Variants in STXBP5L observed in about 807,000 individuals in gnomAD.
STXBP5L encodes syntaxin binding protein 5L.
In STXBP5L, 65 loss-of-function variants were observed where a neutral mutation model predicts 144.5. The ratio of observed to expected loss-of-function variants is 0.45; its 90% CI spans 0.37 to 0.55. The LOEUF (loss-of-function observed/expected upper bound fraction) is 0.55, where lower values mean the gene tolerates loss of function less well. Among genes scored for constraint, STXBP5L ranks in the 20% least tolerant of loss-of-function variants. The pLI is 0.00. For synonymous variants in STXBP5L, 505 were observed against 469.6 expected, an observed-to-expected ratio of 1.08 and a Z score of -0.97; for missense variants, 1,298 against 1,405.5, an observed-to-expected ratio of 0.92 and a Z score of 1.22.
chr3:121,144,826 T>C (rs1401323145), intron 7 of STXBP5L, among the ~76,000 whole-genome samples: 1 of 151,880 alleles, frequency 6.6e-6, no homozygotes, highest in African/African-American at 2.4e-5. Flanking sequence ...TTTTCAGCCT[T>C]AATAAATAAG....
At chr3:121,280,025 G>A (rs2051006917) in intron 19 of STXBP5L, 69 bp downstream of exon 19, 1 of 1,536,386 alleles carries the variant, frequency 6.5e-7, no homozygotes, top group Admixed American at 2.1e-5. Flanking sequence ...TAGATTTCTT[G>A]TCTTTCTTCT....
chr3:121,205,919 T>C lies in STXBP5L; in HGVS notation c.878-4T>C, dbSNP rs776664676. 1.4e-6 allele frequency: 2 copies of C among 1,446,196 alleles called. No individual in the cohort carries two copies. The highest frequency in any genetic ancestry group is 1.9e-6 in the Non-Finnish European group (2 of 1,078,642). The allele number at this position is 1,446,196 out of a possible 1,614,324, so 89.6% of individuals were successfully genotyped here. On this transcript the variant is annotated splice_polypyrimidine_tract_variant and splice_region_variant and intron_variant, in intron 9 of 26. Coordinates refer to ENST00000471454, the MANE Select transcript of STXBP5L (RefSeq NM_001308330.2). The stretch of plus-strand genomic sequence containing the variant: ...AGATTCAATTAAATATTTTTTTTCT[T>C]TAGGAAAAAGTCAAAGAGAAGGAAG...
intron 2 of STXBP5L, among the ~76,000 whole-genome samples, chr3:120,954,568 C>T (rs1937813782): frequency 6.6e-6 from 1 of 151,862 alleles, no homozygotes; most frequent in East Asian, 1.9e-4. Context: ...TTGTTGGACA[C>T]CTGGGCTGTT....
intron 9 of STXBP5L, among the ~76,000 whole-genome samples, chr3:121,174,699 C>T (rs1231952840): frequency 6.6e-6 from 1 of 152,164 alleles, no homozygotes; most frequent in Non-Finnish European, 1.5e-5. Flanking sequence ...GGGCTACAGA[C>T]ATAAGGTCTT....
At chr3:121,350,837 T>C (rs1481625094) in intron 20 of STXBP5L, among the ~76,000 whole-genome samples, 1 of 152,134 alleles carries the variant, frequency 6.6e-6, no homozygotes, top group African/African-American at 2.4e-5. Context: ...TTCTCTCCAT[T>C]GGTTATTCTA....
Position 121,392,807 on chromosome 3 carries a change from A to C in STXBP5L, c.2587+11275A>C, listed in dbSNP as rs976130379. On this transcript the variant is annotated intron_variant, in intron 22 of 26. Coordinates refer to ENST00000471454, the MANE Select transcript of STXBP5L (RefSeq NM_001308330.2). ...TATATATATATATATATATATATAT[A>C]TCACATTTTTAATCCAATTGCCCAT... 2.1e-3 allele frequency among the ~76,000 whole-genome samples: 253 copies of C among 121,616 alleles called. 1 individual carries two copies. The highest frequency in any genetic ancestry group is 6.5e-3 in the African/African-American group (214 of 33,022). The allele number at this position is 121,616 out of a possible 152,430, so 79.8% of individuals were successfully genotyped here. A position where few individuals can be genotyped will look rare whatever the true frequency, so the allele number is the denominator to read the frequency against.
chr3:121,089,267 A>G (rs1395202516), intron 5 of STXBP5L, among the ~76,000 whole-genome samples: 1 of 151,730 alleles, frequency 6.6e-6, no homozygotes, highest in Non-Finnish European at 1.5e-5. Flanking sequence ...AAACTCCATA[A>G]AGCAATTTTT....
intron 18 of STXBP5L, among the ~76,000 whole-genome samples, chr3:121,277,443 T>C (rs929388386): frequency 3.3e-5 from 5 of 152,106 alleles, no homozygotes; most frequent in Non-Finnish European, 7.4e-5. Context: ...GTGCAGATAA[T>C]GTTTAAATTT....
chr3:121,375,922 AT>A (rs2046170245), intron 20 of STXBP5L, among the ~76,000 whole-genome samples: 1 of 152,190 alleles, frequency 6.6e-6, no homozygotes, highest in African/African-American at 2.4e-5. Context: ...CTACGAGATG[AT>A]GTTTCAAATA....
In STXBP5L at chr3:120,911,631, C is replaced by T. The variant is rs75474684; in HGVS notation, c.189+1864C>T. Among the ~76,000 whole-genome samples the T allele has an allele frequency of 1.6e-3, 236 of 152,050 alleles. 1 individual carries two copies. In the East Asian group the frequency reaches 0.029, roughly 19 times the overall value. The stretch of plus-strand genomic sequence containing the variant: ...ATTATTGTTAAAGTTTGTAAAATCA[C>T]GTGTTCATAGTAGAGCGAATATAAC... On this transcript the variant is annotated intron_variant, in intron 2 of 26. Transcript: ENST00000471454.
At chr3:121,077,846 C>A (rs969894067) in intron 5 of STXBP5L, among the ~76,000 whole-genome samples, 5 of 151,938 alleles carry the variant, frequency 3.3e-5, no homozygotes, top group African/African-American at 1.2e-4. Context: ...ATTCACAAAC[C>A]CTGAGCTAGA....
At chr3:120,950,763 C>G (rs941079662) in intron 2 of STXBP5L, among the ~76,000 whole-genome samples, 2 of 152,134 alleles carry the variant, frequency 1.3e-5, no homozygotes, top group Non-Finnish European at 2.9e-5. Flanking sequence ...CCATCCCCAT[C>G]AAGCTACCAA....
intron 22 of STXBP5L, among the ~76,000 whole-genome samples, chr3:121,395,030 G>A (rs1349214657): frequency 6.6e-6 from 1 of 151,706 alleles, no homozygotes; most frequent in East Asian, 1.9e-4. Flanking sequence ...CCAGAATAGG[G>A]CCCCTTCTTA....
chr3:121,297,772 A>G (rs2051719557), intron 19 of STXBP5L, among the ~76,000 whole-genome samples: 1 of 152,206 alleles, frequency 6.6e-6, no homozygotes, highest in African/African-American at 2.4e-5. Context: ...AAAAGAATAT[A>G]TAGGAAAAGA....
chr3:121,195,835 CTG>C (rs1404426438), intron 9 of STXBP5L, among the ~76,000 whole-genome samples: 3 of 152,150 alleles, frequency 2.0e-5, no homozygotes, highest in African/African-American at 7.2e-5. Context: ...GAGAAGGAGA[CTG>C]GGCACACAGT....
chr3:121,050,021 G>T (rs1178123849), intron 5 of STXBP5L, among the ~76,000 whole-genome samples: 1 of 152,150 alleles, frequency 6.6e-6, no homozygotes, highest in Non-Finnish European at 1.5e-5. Context: ...CCTGTGATGT[G>T]AGGACTCCTC....
intron 3 of STXBP5L, among the ~76,000 whole-genome samples, chr3:121,009,652 A>G (rs1393465991): frequency 6.6e-6 from 1 of 151,984 alleles, no homozygotes; most frequent in Non-Finnish European, 1.5e-5. Context: ...GGAAGCAATA[A>G]TGGTGCAATT....
intron 5 of STXBP5L, among the ~76,000 whole-genome samples, chr3:121,051,471 T>C (rs1947988424): frequency 6.6e-6 from 1 of 152,184 alleles, no homozygotes; most frequent in African/African-American, 2.4e-5. Flanking sequence ...CTGAACAACC[T>C]GCTCCTGAAT....
At chr3:121,055,276 T>C (rs1948373266) in intron 5 of STXBP5L, among the ~76,000 whole-genome samples, 1 of 152,138 alleles carries the variant, frequency 6.6e-6, no homozygotes, top group Non-Finnish European at 1.5e-5. Flanking sequence ...TATAGGAGAA[T>C]TTAACCAAGC....
Sources: gnomAD v4.1 joint callset for allele counts (sites outside exome capture counted in the v4.1 genomes callset) on GRCh38, gnomAD v4.1.1 for gene constraint, MANE v1.5 for transcripts, NCBI Gene and HGNC (gene_info 2026-07-23, HGNC 2026-07-21) for gene names.